The following TDRD5 variants were observed in gnomAD, a reference collection of about 807,000 sequenced individuals.
The protein encoded by TDRD5 is tudor domain containing 5.
A neutral mutation model predicts 120.6 loss-of-function variants in TDRD5; 41 were observed. The observed-to-expected ratio is 0.34, with a 90% confidence interval of 0.26 to 0.44. The LOEUF (loss-of-function observed/expected upper bound fraction) is 0.44, where lower values mean the gene tolerates loss of function less well. TDRD5 is among the 20% of genes least tolerant of loss of function. The pLI, the probability that TDRD5 is intolerant of heterozygous loss-of-function variation, is 1.00. For synonymous variants in TDRD5, 430 were observed against 433.7 expected (o/e 0.99, Z 0.11); for missense variants, 1,006 against 1,221.2 (o/e 0.82, Z 2.63).
At chr1:179,630,006 G>A (rs1237591810) in intron 6 of TDRD5, among the ~76,000 whole-genome samples, 1 of 147,734 alleles carries the variant, frequency 6.8e-6, no homozygotes, top group Non-Finnish European at 1.5e-5. Context: ...TTGAGACGGA[G>A]TCTTGCTCTG....
chr1:179,677,091 G>T (rs1465489260), intron 17 of TDRD5, among the ~76,000 whole-genome samples: 1 of 151,916 alleles, frequency 6.6e-6, no homozygotes, highest in African/African-American at 2.4e-5. Flanking sequence ...TAATTCAAAA[G>T]CCTTGTCTTT....
At chr1:179,629,805 G>A (rs573883370) in intron 6 of TDRD5, among the ~76,000 whole-genome samples, 3 of 151,954 alleles carry the variant, frequency 2.0e-5, no homozygotes, top group South Asian at 2.1e-4. Flanking sequence ...CATGATAGAC[G>A]GTCCTTTTAA....
chr1:179,658,476 G>C (rs531503173), intron 14 of TDRD5, among the ~76,000 whole-genome samples: 1 of 152,156 alleles, frequency 6.6e-6, no homozygotes, highest in Non-Finnish European at 1.5e-5. Flanking sequence ...TTTTATCTTA[G>C]TCTTGGTATT....
chr1:179,644,778 C>T (rs1678250369), intron 11 of TDRD5, among the ~76,000 whole-genome samples: 1 of 151,858 alleles, frequency 6.6e-6, no homozygotes, highest in South Asian at 2.1e-4. Context: ...ATAGTTTTTT[C>T]AAAGAACCAA....
intron 17 of TDRD5, among the ~76,000 whole-genome samples, chr1:179,676,682 C>T (rs1291666960): frequency 6.6e-6 from 1 of 152,196 alleles, no homozygotes; most frequent in Non-Finnish European, 1.5e-5. Context: ...GGACCCCAGT[C>T]CCTTCTAGCT....
At chr1:179,675,273 ATTTTT>A (rs1172444253) in intron 17 of TDRD5, among the ~76,000 whole-genome samples, 7 of 66,620 alleles carry the variant, frequency 1.1e-4, no homozygotes, top group African/African-American at 3.8e-4. Flanking sequence ...TATTATTATT[ATTTTT>A]TTTTTTTTTT....
At chr1:179,617,383 C>T (rs1050780745) in intron 4 of TDRD5, among the ~76,000 whole-genome samples, 4 of 152,272 alleles carry the variant, frequency 2.6e-5, no homozygotes, top group Non-Finnish European at 5.9e-5. Context: ...ATGTTATGCA[C>T]TCTTCGTGCC....
chr1:179,657,901 A>G (rs1050666791), intron 14 of TDRD5, among the ~76,000 whole-genome samples: 1 of 152,152 alleles, frequency 6.6e-6, no homozygotes, highest in Non-Finnish European at 1.5e-5. Context: ...TAAGTATACA[A>G]TATGTCACTA....
Position 179,652,070 on chromosome 1 carries a change from A to G in TDRD5, c.2033A>G (p.Tyr678Cys). The G allele has an allele frequency of 6.2e-7, 1 of 1,613,896 alleles. No individual in the cohort carries two copies. The highest frequency in any genetic ancestry group is 8.5e-7 in the Non-Finnish European group (1 of 1,179,978). ...GFSELNPLAL[Y>C]TTSSGGPEDI... ...AGTGAGCTCAACCCTTTAGCTTTAT[A>G]CACGACATCCAGTGGAGGGCCAGAG... Residue 678 changes from tyrosine to cysteine, a missense_variant, in exon 13 of 18, where the codon TAC becomes TGC. This residue lies in a region of TDRD5 where 403 missense variants were observed against 448.1 expected (regional missense o/e 0.90). Coordinates refer to ENST00000444136, the MANE Select transcript of TDRD5 (RefSeq NM_001199085.3).
At chr1:179,620,139 A>T (rs943640733) in intron 5 of TDRD5, among the ~76,000 whole-genome samples, 6 of 152,198 alleles carry the variant, frequency 3.9e-5, no homozygotes, top group Admixed American at 3.9e-4. Flanking sequence ...AAAACCATGA[A>T]TAACATGTGC....
intron 4 of TDRD5, among the ~76,000 whole-genome samples, chr1:179,597,344 T>C (rs1367769066): frequency 6.7e-6 from 1 of 148,682 alleles, no homozygotes; most frequent in Non-Finnish European, 1.5e-5. Context: ...TTTTTTTTTT[T>C]TTTTTGATAG....
intron 11 of TDRD5, among the ~76,000 whole-genome samples, chr1:179,642,903 GA>G (rs1678132051): frequency 6.6e-6 from 1 of 152,206 alleles, no homozygotes; most frequent in Non-Finnish European, 1.5e-5. Flanking sequence ...ATGGCAATGG[GA>G]CTTTTCAAGC....
At chr1:179,626,136 C>T (rs1488584842) in intron 6 of TDRD5, among the ~76,000 whole-genome samples, 12 of 151,882 alleles carry the variant, frequency 7.9e-5, no homozygotes, top group East Asian at 1.9e-4. Context: ...GTGGGTGCAG[C>T]GCACCAGCAT....
intron 17 of TDRD5, among the ~76,000 whole-genome samples, chr1:179,681,068 AT>A: frequency 1.5e-5 from 1 of 67,250 alleles, no homozygotes; most frequent in African/African-American, 4.3e-5. Flanking sequence ...ACAAAATTTT[AT>A]CTATCTATCT....
intron 8 of TDRD5, among the ~76,000 whole-genome samples, chr1:179,635,106 T>G (rs1402521467): frequency 6.6e-6 from 1 of 152,214 alleles, no homozygotes; most frequent in Admixed American, 6.5e-5. Flanking sequence ...CTTGCTCTTT[T>G]TCCCTTCTAC....
At chr1:179,600,028 A>T (rs962879491) in intron 4 of TDRD5, among the ~76,000 whole-genome samples, 6 of 152,184 alleles carry the variant, frequency 3.9e-5, no homozygotes, top group African/African-American at 9.6e-5. Context: ...TACTAAAAAA[A>T]TTAATTGTAA....
chr1:179,665,148 T>C (rs1001321707), intron 16 of TDRD5, among the ~76,000 whole-genome samples: 2 of 152,156 alleles, frequency 1.3e-5, no homozygotes, highest in Admixed American at 6.6e-5. Flanking sequence ...TAAGAAAATA[T>C]CATATTACAA....
At chr1:179,688,162 C>A (rs991162044) in intron 17 of TDRD5, among the ~76,000 whole-genome samples, 3 of 152,034 alleles carry the variant, frequency 2.0e-5, no homozygotes, top group Non-Finnish European at 4.4e-5. Flanking sequence ...CAATTTGGCA[C>A]GTTTTTGCAG....
At chr1:179,615,537 T>C (rs1327574747) in intron 4 of TDRD5, among the ~76,000 whole-genome samples, 3 of 152,174 alleles carry the variant, frequency 2.0e-5, no homozygotes, top group Admixed American at 2.0e-4. Context: ...TCCATCTTCA[T>C]TTTCTAGTTC....
Sources: gnomAD v4.1 joint callset for allele counts (sites outside exome capture counted in the v4.1 genomes callset) on GRCh38, gnomAD v4.1.1 for gene constraint, gnomAD v4.1.1 regional missense constraint, MANE v1.5 for transcripts, NCBI Gene and HGNC (gene_info 2026-07-23, HGNC 2026-07-21) for gene names.